BSCL2: variants seen among roughly 807,000 people sequenced by gnomAD.
The protein encoded by BSCL2 is seipin.
In BSCL2, 41 loss-of-function variants were observed where a neutral mutation model predicts 57.4. The observed-to-expected ratio is 0.71, with a 90% CI of 0.56 to 0.93. The LOEUF is 0.93. BSCL2 is among the 40% of genes least tolerant of loss of function. BSCL2 has a pLI of 0.00. For missense variants in BSCL2, 539 were observed against 586.7 expected (o/e 0.92, Z 0.84); for synonymous variants, 237 against 227.3 (o/e 1.04, Z -0.38).
intron 4 of BSCL2, 72 bp downstream of exon 4, chr11:62,694,496 C>T (rs2134701946): frequency 6.2e-7 from 1 of 1,608,180 alleles, no homozygotes; most frequent in East Asian, 2.2e-5. Flanking sequence ...TGAGCCACCA[C>T]ACCCAGCCCC....
At chr11:62,708,587 G>A, upstream of BSCL2, 1 of 1,558,356 alleles carries the variant, frequency 6.4e-7, no homozygotes, top group East Asian at 2.3e-5. Context: ...AAGGAGCCCT[G>A]GAGATGGCAA....
At chr11:62,708,614 G>C, upstream of BSCL2, 1 of 1,596,468 alleles carries the variant, frequency 6.3e-7, no homozygotes, top group Non-Finnish European at 8.6e-7. Context: ...ACCCATTTGG[G>C]GAGGGAGGCT....
rs76115156 is a variant in BSCL2 at position 62,703,659 on chromosome 11, G to A, written c.405-1110C>T. Among the ~76,000 whole-genome samples the A allele has an allele frequency of 4.3e-3, 660 of 151,750 alleles. 6 individuals carry two copies. The highest frequency in any genetic ancestry group is 0.013 in the African/African-American group (539 of 41,428). On this transcript the variant is annotated intron_variant, in intron 2 of 10. Coordinates refer to ENST00000360796, the MANE Select transcript of BSCL2 (RefSeq NM_001122955.4). ...AGCCACCGCGCCCGGCCGTATATAT[G>A]TTTTTATGGCAGGAAGGGCCATAAG...
Position 62,691,441 on chromosome 11 carries a change from C to A in BSCL2, c.864-20G>T, listed in dbSNP as rs753697653. 2 of 1,613,828 alleles carry A rather than the reference C, an allele frequency of 1.2e-6. No homozygotes were observed. Among genetic ancestry groups the A allele is most frequent in the South Asian group, 2.2e-5 (2 of 91,072 alleles). ...AGGTATCTGAGGCAGGAAGTAGGGACAAGAAGGTAGTAGCAGTTACCAGAG... is the reference window on the plus strand; with the variant it reads ...AGGTATCTGAGGCAGGAAGTAGGGAAAAGAAGGTAGTAGCAGTTACCAGAG... On this transcript the variant is annotated intron_variant, in intron 6 of 10. Coordinates refer to ENST00000360796, the MANE Select transcript of BSCL2 (RefSeq NM_001122955.4).
At position 62,692,426 on chromosome 11, in the gene BSCL2, G is replaced by A. The variant is rs1363271350; in HGVS notation, c.813C>T (p.Ile271=). ...TGCGGAGGTAGGCTCCATACAGCTG[G>A]ATGCGCTTGCTGTGGATCTCAATGA... ...GAIIEIHSKR[I]QLYGAYLRIH... The change falls in exon 6 of 11, where the codon ATC becomes ATT. Residue 271 remains isoleucine, a synonymous_variant. Transcript: ENST00000360796. 4.3e-6 allele frequency: 7 copies of A among 1,614,048 alleles called. No individual in the cohort carries two copies. The African/African-American group carries it at 8.0e-5, about 18-fold the overall frequency.
At chr11:62,709,270 A>G (rs2083593399), upstream of BSCL2, 2 of 454,200 alleles carry the variant, frequency 4.4e-6, no homozygotes, top group Non-Finnish European at 4.4e-6. Context: ...ATACCCAGGG[A>G]AAAGGGCCAA....
At chr11:62,691,022 C>A in intron 8 of BSCL2, 53 bp downstream of exon 8, 1 of 1,606,000 alleles carries the variant, frequency 6.2e-7, no homozygotes, top group Non-Finnish European at 8.5e-7. Flanking sequence ...TCCTTCTGGC[C>A]CAGCCCAGCT....
At chr11:62,705,644 GTGACTCCTTTCCCCAGGGA>G (rs1295864276) in intron 1 of BSCL2, 27 bp from the exon 2 acceptor site, 3 of 1,481,924 alleles carry the variant, frequency 2.0e-6, no homozygotes, top group Non-Finnish European at 2.7e-6. Context: ...AGGGAAAAGA[GTGACTCCTTTCCCCAGGGA>G]GGTGGGGACA....
At chr11:62,709,246 G>A (rs1233849397), upstream of BSCL2, 7 of 454,704 alleles carry the variant, frequency 1.5e-5, no homozygotes, top group East Asian at 4.9e-4. Context: ...GGATCATCAA[G>A]CAATAGATCT....
At position 62,692,480 on chromosome 11, in the gene BSCL2, G is replaced by A. The variant is rs770600493; in HGVS notation, c.766-7C>T. 2 of 1,613,704 alleles carry A rather than the reference G, an allele frequency of 1.2e-6. No homozygotes were observed. Among genetic ancestry groups the A allele is most frequent in the Non-Finnish European group, 1.7e-6 (2 of 1,179,972 alleles). The stretch of plus-strand genomic sequence containing the variant: ...CTCCAGTGGTCGGCACGTACTGTGA[G>A]GGGGTGGGGTGAGGGTGGCGTCAGG... On this transcript the variant is annotated splice_polypyrimidine_tract_variant and splice_region_variant and intron_variant, in intron 5 of 10. Transcript: ENST00000360796.
chr11:62,694,840 C>A lies in BSCL2; in HGVS notation c.487-129G>T, dbSNP rs2845671. ...GCCACAACCCTCTTGGGTAGCCTAA[C>A]GGGCCTTTCAATCTGTCATCCCAAG... On this transcript the variant is annotated intron_variant, in intron 3 of 10. Transcript: ENST00000360796. 6.0e-3 allele frequency: 6,818 copies of A among 1,137,644 alleles called. 242 individuals carry two copies. In the African/African-American group the frequency reaches 0.088, roughly 15 times the overall value. The allele number at this position is 1,137,644 out of a possible 1,614,324, so 70.5% of individuals were successfully genotyped here. A position where few individuals can be genotyped will look rare whatever the true frequency, so the allele number is the denominator to read the frequency against.
chr11:62,692,810 G>T lies in BSCL2; in HGVS notation c.631-13C>A. ...AATGCAGCATCACCTGCCGGGGGTGGGAAGCAGAGGCTGGGGACAGGTGCA... is the reference window on the plus strand; with the variant it reads ...AATGCAGCATCACCTGCCGGGGGTGTGAAGCAGAGGCTGGGGACAGGTGCA... On this transcript the variant is annotated splice_polypyrimidine_tract_variant and intron_variant, in intron 4 of 10. Coordinates refer to ENST00000360796, the MANE Select transcript of BSCL2 (RefSeq NM_001122955.4). 1 of 1,612,540 alleles carries T rather than the reference G, an allele frequency of 6.2e-7. No individual in the cohort carries two copies. The highest frequency in any genetic ancestry group is 8.5e-7 in the Non-Finnish European group (1 of 1,179,966).
upstream of BSCL2, chr11:62,709,313 G>A (rs763606391): frequency 2.2e-6 from 1 of 454,146 alleles, no homozygotes; most frequent in Admixed American, 2.3e-5. Context: ...AAGGATCGGA[G>A]ATCAGAGGGG....
chr11:62,695,642 C>G (rs940109343), intron 3 of BSCL2, among the ~76,000 whole-genome samples: 1 of 134,106 alleles, frequency 7.5e-6, no homozygotes, highest in Non-Finnish European at 1.5e-5. Context: ...ACCCTGGAGG[C>G]GGAGATTGCA....
At chr11:62,701,049 T>C (rs1945624265) in intron 3 of BSCL2, among the ~76,000 whole-genome samples, 2 of 145,442 alleles carry the variant, frequency 1.4e-5, no homozygotes, top group South Asian at 4.6e-4. Flanking sequence ...GGTTCCCAGG[T>C]TTGTTGACAT....
intron 4 of BSCL2, among the ~76,000 whole-genome samples, chr11:62,693,774 G>A (rs543964264): frequency 9.9e-5 from 15 of 152,106 alleles, no homozygotes; most frequent in African/African-American, 2.9e-4. Flanking sequence ...TGAGATACCT[G>A]GGGTGTTTGG....
intron 3 of BSCL2, among the ~76,000 whole-genome samples, chr11:62,702,266 G>A (rs761754487): frequency 3.3e-5 from 5 of 151,930 alleles, no homozygotes; most frequent in East Asian, 1.9e-4. Context: ...GGGTTTCTCC[G>A]CGTTGGTCAG....
At chr11:62,709,349 C>A, upstream of BSCL2, 1 of 453,924 alleles carries the variant, frequency 2.2e-6, no homozygotes, top group Non-Finnish European at 4.4e-6. Flanking sequence ...CGCGAGAGAG[C>A]GTCCACAGTG....
chr11:62,692,802 CG>C lies in BSCL2; in HGVS notation c.631-6del. ...TGAGCGGTAATGCAGCATCACCTGCCGGGGGTGGGAAGCAGAGGCTGGGGAC... is the reference window on the plus strand; with the variant it reads ...TGAGCGGTAATGCAGCATCACCTGCCGGGGTGGGAAGCAGAGGCTGGGGAC... On this transcript the variant is annotated splice_region_variant and splice_polypyrimidine_tract_variant and intron_variant, in intron 4 of 10. Coordinates refer to ENST00000360796, the MANE Select transcript of BSCL2 (RefSeq NM_001122955.4). 2.5e-6 allele frequency: 4 copies of C among 1,612,898 alleles called. No individual in the cohort carries two copies. The highest frequency in any genetic ancestry group is 2.5e-6 in the Non-Finnish European group (3 of 1,179,952).
Sources: allele counts gnomAD v4.1 joint callset (sites outside exome capture counted in the v4.1 genomes callset), GRCh38; gene constraint gnomAD v4.1.1; transcripts MANE v1.5; gene names NCBI Gene and HGNC (gene_info 2026-07-23, HGNC 2026-07-21).